PPM1E: variants seen among roughly 807,000 people sequenced by gnomAD.
The protein encoded by PPM1E is protein phosphatase 1E.
A neutral mutation model predicts 65.9 loss-of-function variants in PPM1E; 20 were observed. That is an observed-to-expected ratio of 0.30 (90% CI 0.21 to 0.44). The LOEUF is 0.44. Ranked by LOEUF, PPM1E falls within the 20% of genes least tolerant of loss-of-function variation. The pLI is 1.00. For synonymous variants in PPM1E, 352 were observed against 374.9 expected (o/e 0.94, Z 0.70); for missense variants, 713 against 953.1 (o/e 0.75, Z 3.32).
At chr17:58,812,813 C>T (rs992617375) in intron 1 of PPM1E, among the ~76,000 whole-genome samples, 19 of 152,092 alleles carry the variant, frequency 1.2e-4, no homozygotes, top group Admixed American at 1.2e-3. Flanking sequence ...GTGATCCACC[C>T]GCCTCAGCCT....
intron 1 of PPM1E, among the ~76,000 whole-genome samples, chr17:58,837,272 A>G (rs2050669642): frequency 6.7e-6 from 1 of 148,450 alleles, no homozygotes; most frequent in Non-Finnish European, 1.5e-5. Context: ...AAAAAAAAAA[A>G]AAAAAAAAAA....
chr17:58,849,003 A>G (rs2050798661), intron 1 of PPM1E, among the ~76,000 whole-genome samples: 1 of 152,084 alleles, frequency 6.6e-6, no homozygotes, highest in African/African-American at 2.4e-5. Flanking sequence ...TAGTCTTGGG[A>G]GGGTGTATGT....
chr17:58,870,964 T>G (rs2051062557), intron 1 of PPM1E, among the ~76,000 whole-genome samples: 1 of 152,162 alleles, frequency 6.6e-6, no homozygotes, highest in African/African-American at 2.4e-5. Flanking sequence ...TTTTTCCCTT[T>G]TATGTGTCTT....
intron 6 of PPM1E, among the ~76,000 whole-genome samples, chr17:58,976,205 CA>C (rs2030985332): frequency 6.6e-6 from 1 of 152,142 alleles, no homozygotes; most frequent in Non-Finnish European, 1.5e-5. Context: ...CAGAGCAGCA[CA>C]GGCTCACTGT....
chr17:58,827,995 G>C (rs1464879441), intron 1 of PPM1E, among the ~76,000 whole-genome samples: 1 of 151,182 alleles, frequency 6.6e-6, no homozygotes, highest in African/African-American at 2.4e-5. Flanking sequence ...GAGGTGGGCA[G>C]ATCACCCGAG....
intron 1 of PPM1E, among the ~76,000 whole-genome samples, chr17:58,857,014 T>C (rs2050889780): frequency 6.6e-6 from 1 of 152,200 alleles, no homozygotes; most frequent in Non-Finnish European, 1.5e-5. Flanking sequence ...AACACCCTTA[T>C]ACTCTTTACT....
intron 1 of PPM1E, among the ~76,000 whole-genome samples, chr17:58,863,783 A>C (rs1482032830): frequency 6.6e-6 from 1 of 152,172 alleles, no homozygotes; most frequent in Non-Finnish European, 1.5e-5. Context: ...CAGGTGTCCC[A>C]ACCGAACACC....
chr17:58,955,471 T>C lies in PPM1E; in HGVS notation c.465-178T>C. On this transcript the variant is annotated intron_variant, in intron 1 of 6. Coordinates refer to ENST00000308249, the MANE Select transcript of PPM1E (RefSeq NM_014906.5). The stretch of plus-strand genomic sequence containing the variant: ...TAGGTAAGGAGCCATGTCTGTGTTA[T>C]GCATCAATATATATCCAGTGCCCAG... 3 of 691,634 alleles carry C rather than the reference T, an allele frequency of 4.3e-6. No homozygotes were observed. The South Asian group carries it at 4.9e-5, about 11-fold the overall frequency. 42.8% of individuals were successfully genotyped at this position (691,634 alleles called of 1,614,324 possible). A position where few individuals can be genotyped will look rare whatever the true frequency, so the allele number is the denominator to read the frequency against.
chr17:58,970,118 C>T (rs1361230982), intron 4 of PPM1E, among the ~76,000 whole-genome samples: 1 of 152,180 alleles, frequency 6.6e-6, no homozygotes, highest in African/African-American at 2.4e-5. Flanking sequence ...GAAACAGAAA[C>T]TGGGATTACT....
intron 2 of PPM1E, among the ~76,000 whole-genome samples, chr17:58,956,294 G>C (rs566803969): frequency 6.6e-6 from 1 of 151,920 alleles, no homozygotes; most frequent in Non-Finnish European, 1.5e-5. Context: ...AAAATTAGCC[G>C]GTGTAGTGGT....
intron 1 of PPM1E, among the ~76,000 whole-genome samples, chr17:58,907,199 T>G (rs1165066280): frequency 6.6e-6 from 1 of 151,502 alleles, no homozygotes; most frequent in African/African-American, 2.4e-5. Flanking sequence ...TGAGCCAGGA[T>G]CGCGCCACCG....
At chr17:58,907,230 G>A (rs751752449) in intron 1 of PPM1E, among the ~76,000 whole-genome samples, 15 of 150,578 alleles carry the variant, frequency 1.0e-4, no homozygotes, top group Admixed American at 6.6e-5. Flanking sequence ...TGGGAGACAC[G>A]ATGAGACTCC....
intron 2 of PPM1E, among the ~76,000 whole-genome samples, chr17:58,960,549 T>C (rs776829835): frequency 2.6e-5 from 4 of 151,782 alleles, no homozygotes; most frequent in Non-Finnish European, 5.9e-5. Flanking sequence ...CCAAGGAGGG[T>C]ACATCACTTG....
At position 58,758,212 on chromosome 17, in the gene PPM1E, T is replaced by C. The variant is rs181382477; in HGVS notation, c.464+1751T>C. On this transcript the variant is annotated intron_variant, in intron 1 of 6. Transcript: ENST00000308249. Reference sequence around the variant, plus strand: ...TTTTTTTTTTTAACTTATTTAAAGATGATGGCAAGAAGATGTGTGTTTTTT... The same window carrying C: ...TTTTTTTTTTTAACTTATTTAAAGACGATGGCAAGAAGATGTGTGTTTTTT... Among the ~76,000 whole-genome samples the C allele has an allele frequency of 1.2e-3, 180 of 152,012 alleles. 1 individual carries two copies. Among genetic ancestry groups the C allele is most frequent in the African/African-American group, 4.0e-3 (167 of 41,488 alleles).
chr17:58,869,488 C>T (rs1250831812), intron 1 of PPM1E, among the ~76,000 whole-genome samples: 1 of 152,040 alleles, frequency 6.6e-6, no homozygotes, highest in Non-Finnish European at 1.5e-5. Flanking sequence ...AGCCTGGCAC[C>T]TCCCCTCAAT....
At chr17:58,804,087 G>A (rs2050283360) in intron 1 of PPM1E, among the ~76,000 whole-genome samples, 2 of 151,786 alleles carry the variant, frequency 1.3e-5, no homozygotes, top group South Asian at 2.1e-4. Flanking sequence ...TGAAGCCATG[G>A]CAGCTAATTT....
intron 3 of PPM1E, among the ~76,000 whole-genome samples, chr17:58,967,519 T>TATATAGAG (rs781428896): frequency 6.9e-6 from 1 of 145,114 alleles, no homozygotes; most frequent in African/African-American, 2.6e-5. Flanking sequence ...TATATATATA[T>TATATAGAG]AGAGAGAGAG....
intron 1 of PPM1E, among the ~76,000 whole-genome samples, chr17:58,913,786 T>C (rs1245834683): frequency 1.3e-5 from 2 of 152,064 alleles, no homozygotes; most frequent in Middle Eastern, 3.2e-3. Context: ...TCCATCAAAA[T>C]AGAGAGTCTG....
In PPM1E at chr17:58,816,770, ATATATATATATATATATATATATATTTTT is replaced by A. The variant is rs1252290358; in HGVS notation, c.464+60311_464+60339del. ...TATATATATATATATATATATATAT[ATATATATATATATATATATATATATTTTT>A]TTTTTTTTTTTTTTGAGACAGGGTC... On this transcript the variant is annotated intron_variant, in intron 1 of 6. Coordinates refer to ENST00000308249, the MANE Select transcript of PPM1E (RefSeq NM_014906.5). 5.1e-3 allele frequency among the ~76,000 whole-genome samples: 122 copies of A among 23,796 alleles called. 4 individuals are homozygous for A. Among genetic ancestry groups the A allele is most frequent in the African/African-American group, 0.016 (76 of 4,878 alleles). 15.6% of individuals were successfully genotyped at this position (23,796 alleles called of 152,430 possible). A position where few individuals can be genotyped will look rare whatever the true frequency, so the allele number is the denominator to read the frequency against.
Sources: gnomAD v4.1 joint callset for allele counts (sites outside exome capture counted in the v4.1 genomes callset) on GRCh38, gnomAD v4.1.1 for gene constraint, MANE v1.5 for transcripts, NCBI Gene and HGNC (gene_info 2026-07-23, HGNC 2026-07-21) for gene names.